Variants in SH3BGRL3 observed in about 807,000 individuals in gnomAD.
SH3BGRL3 encodes the protein SH3 domain-binding glutamic acid-rich-like protein 3.
SH3BGRL3 carries 8 observed loss-of-function variants against 11.9 expected under a neutral mutation model. The ratio of observed to expected loss-of-function variants is 0.67; its 90% CI spans 0.40 to 1.22. SH3BGRL3 has a LOEUF of 1.22. Among genes scored for constraint, SH3BGRL3 ranks in the 50% most tolerant of loss-of-function variants. The pLI is 0.01. For missense variants in SH3BGRL3, 119 were observed against 120.1 expected (o/e 0.99, Z 0.04); for synonymous variants, 55 against 52.3 (o/e 1.05, Z -0.22).
chr1:26,281,179 T>G lies in SH3BGRL3; in HGVS notation c.*56T>G. On this transcript the variant is annotated 3_prime_UTR_variant, in exon 3 of 3. Coordinates refer to ENST00000270792, the MANE Select transcript of SH3BGRL3 (RefSeq NM_031286.4). ...CTCCATCACCACACTCCCCCCAGCC[T>G]TCACCTGGCCATGAAGGACCTTTTG... 1.3e-6 allele frequency: 2 copies of G among 1,560,962 alleles called. No individual in the cohort carries two copies. Among genetic ancestry groups the G allele is most frequent in the Non-Finnish European group, 1.8e-6 (2 of 1,141,656 alleles).
chr1:26,280,710 T>TC, intron 1 of SH3BGRL3, 55 bp from the exon 2 acceptor site: 4 of 1,595,124 alleles, frequency 2.5e-6, no homozygotes, highest in Non-Finnish European at 2.6e-6. Flanking sequence ...GCCCAGCATT[T>TC]CCCCCATAAA....
chr1:26,280,941 T>C lies in SH3BGRL3; in HGVS notation c.216+9T>C, dbSNP rs953694197. The C allele has an allele frequency of 8.6e-6, 5 of 580,454 alleles. No individual in the cohort carries two copies. The highest frequency in any genetic ancestry group is 1.6e-5 in the Non-Finnish European group (5 of 314,936). 36.0% of individuals were successfully genotyped at this position (580,454 alleles called of 1,614,324 possible). A position where few individuals can be genotyped will look rare whatever the true frequency, so the allele number is the denominator to read the frequency against. ...GGGACCAGTACTGTGGGGTATGGGC[T>C]GGGGGACGGGGGGGTGGGGGGAGTG... is the stretch of plus-strand genomic sequence containing the variant. On this transcript the variant is annotated intron_variant, in intron 2 of 2. Coordinates refer to ENST00000270792, the MANE Select transcript of SH3BGRL3 (RefSeq NM_031286.4).
Position 26,280,908 on chromosome 1 carries a change from T to C in SH3BGRL3, c.192T>C (p.Ile64=). Residue 64 remains isoleucine (I), a synonymous_variant, in exon 2 of 3, where the codon ATT becomes ATC. Transcript: ENST00000270792. ...AGNPKATPPQ[I]VNGDQYCGDY... is the part of the protein sequence containing the mutation. ...ACCCCAAGGCCACCCCACCCCAGATTGTCAACGGGGACCAGTACTGTGGGG... is the reference window on the plus strand; with the variant it reads ...ACCCCAAGGCCACCCCACCCCAGATCGTCAACGGGGACCAGTACTGTGGGG... 1 of 1,612,252 alleles carries C rather than the reference T, an allele frequency of 6.2e-7. No homozygotes were observed. The highest frequency in any genetic ancestry group is 1.1e-5 in the South Asian group (1 of 90,994).
In SH3BGRL3 at chr1:26,280,296, G is replaced by A. The variant is rs1000159614; in HGVS notation, c.48+93G>A. The A allele has an allele frequency of 2.9e-6, 4 of 1,373,938 alleles. No homozygotes were observed. The African/African-American group carries it at 4.5e-5, about 16-fold the overall frequency. The allele number at this position is 1,373,938 out of a possible 1,614,324, so 85.1% of individuals were successfully genotyped here. A position where few individuals can be genotyped will look rare whatever the true frequency, so the allele number is the denominator to read the frequency against. On this transcript the variant is annotated intron_variant, in intron 1 of 2. Coordinates refer to ENST00000270792, the MANE Select transcript of SH3BGRL3 (RefSeq NM_031286.4). ...CGCCCGGGACCCACCCCCAGGACGG[G>A]GGCGGGGTGGGGGGAGTGCGTCGGC...
intron 2 of SH3BGRL3, 42 bp downstream of exon 2, chr1:26,280,974 A>G: frequency 1.2e-6 from 2 of 1,606,730 alleles, no homozygotes; most frequent in Non-Finnish European, 1.7e-6. Context: ...GTGTTGGAAG[A>G]GGACTCTAGC....
chr1:26,281,150 T>TG lies in SH3BGRL3; in HGVS notation c.*29dup. On this transcript the variant is annotated 3_prime_UTR_variant, in exon 3 of 3. Coordinates refer to ENST00000270792, the MANE Select transcript of SH3BGRL3 (RefSeq NM_031286.4). ...TCAAGCCTGTCCAGAGTTCCCCTGC[T>TG]GGACTCCATCACCACACTCCCCCCA... 1 of 1,608,810 alleles carries TG rather than the reference T, an allele frequency of 6.2e-7. No homozygotes were observed. The highest frequency in any genetic ancestry group is 1.1e-5 in the South Asian group (1 of 90,422).
chr1:26,280,418 TCCCGTGCCCATC>T (rs2072958306), intron 1 of SH3BGRL3, among the ~76,000 whole-genome samples: 1 of 151,894 alleles, frequency 6.6e-6, no homozygotes, highest in South Asian at 2.1e-4. Flanking sequence ...GGCATGAACT[TCCCGTGCCCATC>T]CCCCATCAAC....
intron 1 of SH3BGRL3, 78 bp downstream of exon 1, chr1:26,280,281 C>T (rs988477355): frequency 8.9e-5 from 126 of 1,411,594 alleles, no homozygotes; most frequent in Non-Finnish European, 1.1e-4. Context: ...CGCCCGGGAC[C>T]CACCCCCAGG....
intron 1 of SH3BGRL3, 125 bp from the exon 2 acceptor site, chr1:26,280,640 T>C (rs2072967135): frequency 1.7e-6 from 2 of 1,160,012 alleles, no homozygotes; most frequent in African/African-American, 1.5e-5. Flanking sequence ...GCCAGAACCC[T>C]CCCCTAGTGT....
At position 26,280,946 on chromosome 1, in the gene SH3BGRL3, G is replaced by GGGC; in HGVS notation, c.216+14_216+15insGGC. On this transcript the variant is annotated intron_variant, in intron 2 of 2. Coordinates refer to ENST00000270792, the MANE Select transcript of SH3BGRL3 (RefSeq NM_031286.4). Reference sequence around the variant, plus strand: ...CAGTACTGTGGGGTATGGGCTGGGGGACGGGGGGGTGGGGGGAGTGTTGGA... The same window carrying GGGC: ...CAGTACTGTGGGGTATGGGCTGGGGGGGCACGGGGGGGTGGGGGGAGTGTTGGA... 1 of 1,535,626 alleles carries GGGC rather than the reference G, an allele frequency of 6.5e-7. No individual in the cohort carries two copies. The highest frequency in any genetic ancestry group is 9.0e-7 in the Non-Finnish European group (1 of 1,113,044).
At position 26,280,821 on chromosome 1, in the gene SH3BGRL3, C is replaced by A. The variant is rs2072972041; in HGVS notation, c.105C>A (p.Tyr35Ter). 1 of 1,613,956 alleles carries A rather than the reference C, an allele frequency of 6.2e-7. No homozygotes were observed. Among genetic ancestry groups the A allele is most frequent in the African/African-American group, 1.3e-5 (1 of 74,902 alleles). The change falls in exon 2 of 3, where the codon TAC becomes TAA. Residue 35 changes from tyrosine to a stop codon, truncating the protein, a stop_gained. Coordinates refer to ENST00000270792, the MANE Select transcript of SH3BGRL3 (RefSeq NM_031286.4). LOFTEE classifies it high-confidence loss of function. ...TCCTGGATGGGAAGCGCATCCAATACCAGCTAGTGGACATCTCCCAGGACA... is the reference window on the plus strand; with the variant it reads ...TCCTGGATGGGAAGCGCATCCAATAACAGCTAGTGGACATCTCCCAGGACA... Reference protein sequence around the residue: ...TRILDGKRIQYQLVDISQDNA... With the variant: ...TRILDGKRIQ
rs750965671 is a variant in SH3BGRL3 at position 26,280,147 on chromosome 1, A to AC, written c.-4dup. The AC allele has an allele frequency of 2.2e-5, 35 of 1,564,158 alleles. No homozygotes were observed. Among genetic ancestry groups the AC allele is most frequent in the African/African-American group, 2.7e-5 (2 of 72,868 alleles). Reference sequence around the variant, plus strand: ...CCTCTGCCCGCCGGCCCGTCTGTCTACCCCCAGCATGAGCGGCCTGCGCGT... The same window carrying AC: ...CCTCTGCCCGCCGGCCCGTCTGTCTACCCCCCAGCATGAGCGGCCTGCGCGT... On this transcript the variant is annotated 5_prime_UTR_variant, in exon 1 of 3. Coordinates refer to ENST00000270792, the MANE Select transcript of SH3BGRL3 (RefSeq NM_031286.4).
rs1557675936 is a variant in SH3BGRL3, at chr1:26,280,793, GA to G, written c.79del (p.Ile27SerfsTer11). On this transcript the variant is annotated frameshift_variant, in exon 2 of 3. Transcript: ENST00000270792. LOFTEE classifies it high-confidence loss of function. Reference sequence around the variant, plus strand: ...AAGTCCCAGCAGAGCGAGGTGACCCGAATCCTGGATGGGAAGCGCATCCAAT... The same window carrying G: ...AAGTCCCAGCAGAGCGAGGTGACCCGATCCTGGATGGGAAGCGCATCCAAT... ...EIKSQQSEVT[R>X]ILDGKRIQYQ... 6.2e-7 allele frequency: 1 copy of G among 1,613,968 alleles called. No individual in the cohort carries two copies. The highest frequency in any genetic ancestry group is 8.5e-7 in the Non-Finnish European group (1 of 1,180,002).
intron 1 of SH3BGRL3, among the ~76,000 whole-genome samples, chr1:26,280,494 A>G (rs1342514138): frequency 2.6e-5 from 4 of 151,250 alleles, no homozygotes; most frequent in African/African-American, 9.8e-5. Context: ...CCACGACCGC[A>G]GCCTGCCCTC....
intron 2 of SH3BGRL3, 58 bp from the exon 3 acceptor site, chr1:26,281,000 C>T (rs1225706661): frequency 1.2e-6 from 2 of 1,609,832 alleles, no homozygotes; most frequent in Non-Finnish European, 8.5e-7. Flanking sequence ...TCATATCTGC[C>T]ACAAAGCACT....
chr1:26,280,992 A>G (rs748825820), intron 2 of SH3BGRL3, 60 bp downstream of exon 2: 2 of 1,609,198 alleles, frequency 1.2e-6, no homozygotes, highest in Admixed American at 1.7e-5. Flanking sequence ...AGCCAGGGTC[A>G]TATCTGCCAC....
In SH3BGRL3 at chr1:26,281,180, T is replaced by TA; in HGVS notation, c.*57_*58insA. ...TCCATCACCACACTCCCCCCAGCCT[T>TA]CACCTGGCCATGAAGGACCTTTTGA... On this transcript the variant is annotated 3_prime_UTR_variant, in exon 3 of 3. Transcript: ENST00000270792. 1 of 1,558,838 alleles carries TA rather than the reference T, an allele frequency of 6.4e-7. No individual in the cohort carries two copies. The highest frequency in any genetic ancestry group is 8.8e-7 in the Non-Finnish European group (1 of 1,140,022).
chr1:26,281,242 C>A lies in SH3BGRL3; in HGVS notation c.*119C>A. 1.1e-6 allele frequency: 1 copy of A among 942,116 alleles called. No individual in the cohort carries two copies. Among genetic ancestry groups the A allele is most frequent in the South Asian group, 1.6e-5 (1 of 62,426 alleles). The allele number at this position is 942,116 out of a possible 1,614,324, so 58.4% of individuals were successfully genotyped here. ...TCATTCCTAACCTAACCTTAGAGTC[C>A]CTCCCCCAATGCAGGCCACTTCTCC... On this transcript the variant is annotated 3_prime_UTR_variant, in exon 3 of 3. Transcript: ENST00000270792.
intron 1 of SH3BGRL3, 88 bp downstream of exon 1, chr1:26,280,291 G>A: frequency 1.4e-6 from 2 of 1,389,328 alleles, no homozygotes; most frequent in Non-Finnish European, 1.9e-6. Context: ...CCACCCCCAG[G>A]ACGGGGGCGG....
Sources: gnomAD v4.1 joint callset for allele counts (sites outside exome capture counted in the v4.1 genomes callset) on GRCh38, gnomAD v4.1.1 for gene constraint, MANE v1.5 for transcripts, NCBI Gene and HGNC (gene_info 2026-07-23, HGNC 2026-07-21) for gene names.